ZNF346: variants seen among roughly 807,000 people sequenced by gnomAD.
ZNF346 encodes double-stranded RNA-binding zinc finger protein JAZ.
Under a neutral mutation model 33.7 loss-of-function variants are expected in ZNF346, and 23 were observed. The ratio of observed to expected loss-of-function variants is 0.68; its 90% CI spans 0.49 to 0.97. ZNF346 has a LOEUF of 0.97. Ranked by LOEUF, ZNF346 falls within the 50% of genes least tolerant of loss-of-function variation. The probability of loss-of-function intolerance (pLI) is 0.00; values close to 1 mark genes in which losing one functional copy is unlikely to be tolerated. For synonymous variants in ZNF346, 134 were observed against 142.4 expected (o/e 0.94, Z 0.42); for missense variants, 340 against 371.1 (o/e 0.92, Z 0.69).
intron 1 of ZNF346, among the ~76,000 whole-genome samples, chr5:177,029,057 T>C (rs1020464882): frequency 6.6e-6 from 1 of 152,174 alleles, no homozygotes; most frequent in Non-Finnish European, 1.5e-5. Context: ...TGGTACATGT[T>C]AATAGGGTGA....
intron 5 of ZNF346, among the ~76,000 whole-genome samples, chr5:177,059,475 C>T (rs1782187217): frequency 6.6e-6 from 1 of 152,166 alleles, no homozygotes; most frequent in South Asian, 2.1e-4. Flanking sequence ...TCAAATAAGC[C>T]TTAGAGTGGT....
chr5:177,079,165 A>G (rs1484584504), intron 8 of ZNF346, among the ~76,000 whole-genome samples: 3 of 151,178 alleles, frequency 2.0e-5, no homozygotes, highest in Non-Finnish European at 4.4e-5. Context: ...CCAGCTACTC[A>G]GGAGGGTGAG....
intron 5 of ZNF346, among the ~76,000 whole-genome samples, chr5:177,061,540 C>T (rs1200539388): frequency 6.6e-6 from 1 of 152,218 alleles, no homozygotes; most frequent in Non-Finnish European, 1.5e-5. Context: ...CTGGCTCCTC[C>T]CTCACTACCA....
chr5:177,046,762 C>T (rs1256651153), intron 4 of ZNF346, among the ~76,000 whole-genome samples: 2 of 151,970 alleles, frequency 1.3e-5, no homozygotes, highest in Admixed American at 6.6e-5. Context: ...TGTGTATATT[C>T]GTTTTGTGTA....
At chr5:177,045,075 T>C (rs751269699) in intron 4 of ZNF346, among the ~76,000 whole-genome samples, 18 of 152,338 alleles carry the variant, frequency 1.2e-4, no homozygotes, top group Non-Finnish European at 1.3e-4. Context: ...TCATTCCCAG[T>C]ACAGTGACTT....
chr5:177,054,815 T>C (rs1781451018), intron 5 of ZNF346, among the ~76,000 whole-genome samples: 1 of 152,152 alleles, frequency 6.6e-6, no homozygotes, highest in African/African-American at 2.4e-5. Context: ...AATGATTGCA[T>C]AGTATAATCT....
downstream of ZNF346, among the ~76,000 whole-genome samples, chr5:177,071,735 G>A (rs1172736045): frequency 6.6e-6 from 1 of 151,080 alleles, no homozygotes; most frequent in Non-Finnish European, 1.5e-5. Context: ...CCTCACAGCA[G>A]TCCCTGCCAG....
chr5:177,025,994 A>T (rs889604789), intron 1 of ZNF346, among the ~76,000 whole-genome samples: 12 of 60,088 alleles, frequency 2.0e-4, no homozygotes, highest in South Asian at 6.5e-4. Flanking sequence ...TATTATTATT[A>T]TTATTTTTTT....
At chr5:177,038,755 C>T (rs1011033929) in intron 1 of ZNF346, among the ~76,000 whole-genome samples, 5 of 152,016 alleles carry the variant, frequency 3.3e-5, no homozygotes, top group Admixed American at 1.3e-4. Context: ...ACAAAATCCA[C>T]AATCTCCAGG....
chr5:177,043,043 G>A (rs1779566145), intron 3 of ZNF346, among the ~76,000 whole-genome samples: 1 of 152,144 alleles, frequency 6.6e-6, no homozygotes, highest in Non-Finnish European at 1.5e-5. Context: ...GTAGAGATAG[G>A]GTTTCACCAG....
rs1581957043 is a variant in ZNF346 at position 177,062,303 on chromosome 5, T to C, written c.797+152T>C. On this transcript the variant is annotated intron_variant, in intron 6 of 6. Transcript: ENST00000358149. Reference sequence around the variant, plus strand: ...GAATCATGTAACAGGAACAAGTGTCTCCTCTATATGTATTTCTCCACCAGC... The same window carrying C: ...GAATCATGTAACAGGAACAAGTGTCCCCTCTATATGTATTTCTCCACCAGC... 1.5e-5 allele frequency: 10 copies of C among 653,264 alleles called. No homozygotes were observed. The East Asian group carries it at 2.7e-4, about 18-fold the overall frequency. 40.5% of individuals were successfully genotyped at this position (653,264 alleles called of 1,614,324 possible).
intron 5 of ZNF346, among the ~76,000 whole-genome samples, chr5:177,059,066 C>T (rs1381856525): frequency 6.6e-6 from 1 of 152,180 alleles, no homozygotes; most frequent in African/African-American, 2.4e-5. Context: ...TGTCTTCTCC[C>T]TGCTGGCTTC....
downstream of ZNF346, among the ~76,000 whole-genome samples, chr5:177,069,713 T>C (rs1259507862): frequency 6.9e-6 from 1 of 144,608 alleles, no homozygotes; most frequent in Non-Finnish European, 1.5e-5. Context: ...CTATTTTTTG[T>C]AGAGATGGAG....
intron 1 of ZNF346, among the ~76,000 whole-genome samples, chr5:177,040,719 GTCC>G (rs1488668519): frequency 6.6e-6 from 1 of 152,108 alleles, no homozygotes; most frequent in Non-Finnish European, 1.5e-5. Context: ...GAGTCTTTCA[GTCC>G]TCCTGATTCT....
chr5:177,032,053 G>A (rs1777810335), intron 1 of ZNF346, among the ~76,000 whole-genome samples: 2 of 127,962 alleles, frequency 1.6e-5, no homozygotes, highest in South Asian at 5.0e-4. Flanking sequence ...TGTTGCCCAG[G>A]AGTGCAATGG....
chr5:177,064,076 C>T (rs528299904), intron 6 of ZNF346, among the ~76,000 whole-genome samples: 1 of 152,138 alleles, frequency 6.6e-6, no homozygotes, highest in Non-Finnish European at 1.5e-5. Flanking sequence ...TCCCCAAGGT[C>T]ACTTAGTTAC....
intron 5 of ZNF346, among the ~76,000 whole-genome samples, chr5:177,061,054 G>A (rs1012704384): frequency 2.0e-5 from 3 of 152,118 alleles, no homozygotes; most frequent in Non-Finnish European, 4.4e-5. Flanking sequence ...GGAGCTTGCC[G>A]TGAGCCAAGA....
chr5:177,047,662 C>T lies in ZNF346; in HGVS notation c.518-3089C>T, dbSNP rs796222416. 4.8e-4 allele frequency among the ~76,000 whole-genome samples: 73 copies of T among 152,242 alleles called. 1 individual carries two copies. Among genetic ancestry groups the T allele is most frequent in the African/African-American group, 1.6e-3 (68 of 41,556 alleles). ...CTGGGACTACCGGCACCTGCCACCA[C>T]GCCCAGTTAATTTTTGCATTTTTAA... On this transcript the variant is annotated intron_variant, in intron 4 of 6. Transcript: ENST00000358149.
In ZNF346 at chr5:177,022,767, A is replaced by C. The variant is rs868024736; in HGVS notation, c.29A>C (p.Gln10Pro). The change falls in exon 1 of 7, where the codon CAG becomes CCG. Residue 10 changes from glutamine (Q) to proline (P), a missense_variant. Transcript: ENST00000358149. Reference sequence around the variant, plus strand: ...GAGTATCCCGCGCCGGCCACGGTGCAGGCCGCGGACGGCGGAGCGGCCGGG... The same window carrying C: ...GAGTATCCCGCGCCGGCCACGGTGCCGGCCGCGGACGGCGGAGCGGCCGGG... MEYPAPATV[Q>P]AADGGAAGPY... 1.3e-6 allele frequency: 2 copies of C among 1,558,368 alleles called. No homozygotes were observed. The highest frequency in any genetic ancestry group is 1.7e-4 in the Middle Eastern group (1 of 5,842).
Sources: gnomAD v4.1 joint callset for allele counts (sites outside exome capture counted in the v4.1 genomes callset) on GRCh38, gnomAD v4.1.1 for gene constraint, MANE v1.5 for transcripts, NCBI Gene and HGNC (gene_info 2026-07-23, HGNC 2026-07-21) for gene names.